Variants in GPC5 observed in about 807,000 individuals in gnomAD.
GPC5 encodes the protein glypican 5, also known as glypican-5.
GPC5 carries 47 observed loss-of-function variants against 53.9 expected under a neutral mutation model. The observed-to-expected ratio is 0.87, with a 90% CI of 0.69 to 1.11. The LOEUF is 1.11. Among genes scored for constraint, GPC5 ranks in the 50% most tolerant of loss-of-function variants. GPC5 has a pLI of 0.00. For synonymous variants in GPC5, 286 were observed against 263.3 expected (o/e 1.09, Z -0.84); for missense variants, 748 against 713.1 (o/e 1.05, Z -0.56).
chr13:92,718,382 G>T (rs2139282425), intron 7 of GPC5, among the ~76,000 whole-genome samples: 1 of 152,270 alleles, frequency 6.6e-6, no homozygotes, highest in East Asian at 1.9e-4. Context: ...AAAAGAATGA[G>T]ATCCTGTCAT....
chr13:91,498,392 A>G (rs535200644), intron 2 of GPC5, among the ~76,000 whole-genome samples: 43 of 152,170 alleles, frequency 2.8e-4, no homozygotes, highest in African/African-American at 8.9e-4. Context: ...AAAGGAGAAA[A>G]AAGCAACCTG....
chr13:92,381,909 G>GATATATATATC (rs1491229146), intron 7 of GPC5, among the ~76,000 whole-genome samples: 1 of 122,126 alleles, frequency 8.2e-6, no homozygotes, highest in Non-Finnish European at 1.7e-5. Flanking sequence ...TCATATATAT[G>GATATATATATC]ATATATATAA....
At chr13:91,717,617 C>T (rs1034376642) in intron 3 of GPC5, among the ~76,000 whole-genome samples, 7 of 151,886 alleles carry the variant, frequency 4.6e-5, no homozygotes, top group South Asian at 2.1e-4. Context: ...AGTGCAATGG[C>T]GGGATCTTGG....
At chr13:92,781,505 AG>A (rs1876022351) in intron 7 of GPC5, among the ~76,000 whole-genome samples, 2 of 152,288 alleles carry the variant, frequency 1.3e-5, no homozygotes, top group South Asian at 4.1e-4. Flanking sequence ...AGGTTTGTTT[AG>A]TAGATCTCTA....
chr13:92,829,750 C>T (rs1432076353), intron 7 of GPC5, among the ~76,000 whole-genome samples: 1 of 152,126 alleles, frequency 6.6e-6, no homozygotes, highest in Non-Finnish European at 1.5e-5. Context: ...TCACAGCTGT[C>T]TATCAATCAT....
intron 7 of GPC5, among the ~76,000 whole-genome samples, chr13:92,355,513 A>G (rs1259431445): frequency 6.6e-6 from 1 of 152,034 alleles, no homozygotes; most frequent in African/African-American, 2.4e-5. Context: ...ATCAAATTAT[A>G]TCATATGTTC....
rs114582656 is a variant in GPC5 at position 92,044,078 on chromosome 13, C to T, written c.1402-100752C>T. The stretch of plus-strand genomic sequence containing the variant: ...TGACAGTTATGTTTAGTTCAATCCC[C>T]TTTGCTCTCATAAGCTCCCCAGGTC... On this transcript the variant is annotated intron_variant, in intron 6 of 7. Coordinates refer to ENST00000377067, the MANE Select transcript of GPC5 (RefSeq NM_004466.6). Among the ~76,000 whole-genome samples, 636 of 152,226 alleles carry T rather than the reference C, an allele frequency of 4.2e-3. 6 individuals are homozygous for T. Among genetic ancestry groups the T allele is most frequent in the African/African-American group, 0.014 (596 of 41,520 alleles).
At chr13:92,663,935 G>T (rs1886482704) in intron 7 of GPC5, among the ~76,000 whole-genome samples, 3 of 138,430 alleles carry the variant, frequency 2.2e-5, no homozygotes, top group Admixed American at 7.5e-5. Context: ...AGCTCGGCAT[G>T]GTGCTGCACG....
At chr13:92,743,210 T>C (rs1049015535) in intron 7 of GPC5, among the ~76,000 whole-genome samples, 1 of 152,086 alleles carries the variant, frequency 6.6e-6, no homozygotes, top group African/African-American at 2.4e-5. Flanking sequence ...ATTCTTCCTA[T>C]CCATGAGCAT....
chr13:91,729,222 T>TA (rs2036642100), intron 4 of GPC5, among the ~76,000 whole-genome samples: 1 of 152,154 alleles, frequency 6.6e-6, no homozygotes, highest in African/African-American at 2.4e-5. Flanking sequence ...ACACATCCCA[T>TA]AGGGCTCGCT....
rs557507713 is a variant in GPC5, at chr13:92,299,324, C to T, written c.1561+154335C>T. Reference sequence around the variant, plus strand: ...TCAATTTTTGGAATAATGAAAGTCTCTTGACGGCAGCTGCTTTACTTAGGA... The same window carrying T: ...TCAATTTTTGGAATAATGAAAGTCTTTTGACGGCAGCTGCTTTACTTAGGA... On this transcript the variant is annotated intron_variant, in intron 7 of 7. Coordinates refer to ENST00000377067, the MANE Select transcript of GPC5 (RefSeq NM_004466.6). Among the ~76,000 whole-genome samples, 15 of 152,270 alleles carry T rather than the reference C, an allele frequency of 9.9e-5. No individual in the cohort carries two copies. The East Asian group carries it at 1.5e-3, about 16-fold the overall frequency.
chr13:92,436,250 G>T (rs780048963), intron 7 of GPC5, among the ~76,000 whole-genome samples: 29 of 152,098 alleles, frequency 1.9e-4, no homozygotes, highest in Non-Finnish European at 3.1e-4. Flanking sequence ...GGCTATTGTG[G>T]AAAGTCTCTT....
At chr13:92,387,913 T>C (rs911652019) in intron 7 of GPC5, among the ~76,000 whole-genome samples, 4 of 152,172 alleles carry the variant, frequency 2.6e-5, no homozygotes, top group East Asian at 1.9e-4. Context: ...ACACAGTTGA[T>C]GTAAGGCATT....
chr13:91,689,225 A>T (rs1402564057), intron 2 of GPC5, among the ~76,000 whole-genome samples: 1 of 107,500 alleles, frequency 9.3e-6, no homozygotes, highest in Non-Finnish European at 1.8e-5. Context: ...ATATATATAT[A>T]TATATACACA....
chr13:91,885,807 C>G (rs912592596), intron 5 of GPC5, among the ~76,000 whole-genome samples: 1 of 152,120 alleles, frequency 6.6e-6, no homozygotes, highest in Non-Finnish European at 1.5e-5. Flanking sequence ...CTCCTATTTC[C>G]TAAATGCCAT....
chr13:92,211,144 GA>G (rs1169344691), intron 7 of GPC5, among the ~76,000 whole-genome samples: 1 of 152,126 alleles, frequency 6.6e-6, no homozygotes, highest in Admixed American at 6.6e-5. Flanking sequence ...TATTTATGAG[GA>G]AAAGCACTTG....
chr13:92,098,923 A>G (rs1430622658), intron 6 of GPC5, among the ~76,000 whole-genome samples: 1 of 151,514 alleles, frequency 6.6e-6, no homozygotes, highest in Non-Finnish European at 1.5e-5. Context: ...GTAACTTGTT[A>G]TAGCAGAAAC....
chr13:91,690,457 A>C (rs899877186), intron 2 of GPC5, among the ~76,000 whole-genome samples: 23 of 152,272 alleles, frequency 1.5e-4, no homozygotes, highest in African/African-American at 5.3e-4. Context: ...TTTGTTGCTA[A>C]TAATACACAG....
intron 6 of GPC5, among the ~76,000 whole-genome samples, chr13:92,128,656 C>A (rs1180968745): frequency 6.6e-6 from 1 of 152,132 alleles, no homozygotes; most frequent in Admixed American, 6.5e-5. Context: ...CAATTGCAGG[C>A]ATGCTTTTAA....
Sources: allele counts gnomAD v4.1 joint callset (sites outside exome capture counted in the v4.1 genomes callset), GRCh38; gene constraint gnomAD v4.1.1; transcripts MANE v1.5; gene names NCBI Gene and HGNC (gene_info 2026-07-23, HGNC 2026-07-21).